NCOA7: variants seen among roughly 807,000 people sequenced by gnomAD.
The protein encoded by NCOA7 is nuclear receptor coactivator 7, also known as 140 kDa estrogen receptor-associated protein.
A neutral mutation model predicts 104.3 loss-of-function variants in NCOA7; 45 were observed. That is an observed-to-expected ratio of 0.43 (90% CI 0.34 to 0.55). The LOEUF (loss-of-function observed/expected upper bound fraction) is 0.55, where lower values mean the gene tolerates loss of function less well. Among genes scored for constraint, NCOA7 ranks in the 20% least tolerant of loss-of-function variants. The pLI is 0.02. For synonymous variants in NCOA7, 398 were observed against 402.3 expected (o/e 0.99, Z 0.13); for missense variants, 1,041 against 1,119.7 (o/e 0.93, Z 1.00).
At chr6:125,907,581 T>C (rs1786137253) in intron 10 of NCOA7, among the ~76,000 whole-genome samples, 1 of 152,126 alleles carries the variant, frequency 6.6e-6, no homozygotes, top group Non-Finnish European at 1.5e-5. Flanking sequence ...GCCAAGGAAG[T>C]AGTTGGCCCA....
intron 2 of NCOA7, among the ~76,000 whole-genome samples, chr6:125,833,799 G>A (rs1043513426): frequency 1.6e-4 from 25 of 152,168 alleles, no homozygotes; most frequent in African/African-American, 6.0e-4. Context: ...GCAGCTTTAA[G>A]ACATATCCCT....
intron 10 of NCOA7, among the ~76,000 whole-genome samples, chr6:125,910,905 T>A (rs964901589): frequency 6.6e-6 from 1 of 152,220 alleles, no homozygotes; most frequent in African/African-American, 2.4e-5. Flanking sequence ...TTTGGAAAGC[T>A]ATCTAGGATA....
chr6:125,782,415 C>T (rs1335829888), intron 1 of NCOA7, among the ~76,000 whole-genome samples: 1 of 152,176 alleles, frequency 6.6e-6, no homozygotes, highest in Non-Finnish European at 1.5e-5. Flanking sequence ...ATTATCAACT[C>T]AAGAAATTTA....
intron 1 of NCOA7, among the ~76,000 whole-genome samples, chr6:125,814,855 TA>T (rs1254185783): frequency 2.6e-5 from 4 of 152,128 alleles, no homozygotes; most frequent in African/African-American, 9.7e-5. Context: ...TTTATTTTTT[TA>T]AAAAAACATT....
At chr6:125,900,363 A>G (rs368401013) in intron 10 of NCOA7, among the ~76,000 whole-genome samples, 7 of 152,364 alleles carry the variant, frequency 4.6e-5, no homozygotes, top group Middle Eastern at 3.4e-3. Context: ...GGCCTCTGGC[A>G]TTGATATTAA....
intron 10 of NCOA7, among the ~76,000 whole-genome samples, chr6:125,897,999 G>A (rs1301071715): frequency 4.6e-5 from 7 of 152,176 alleles, no homozygotes; most frequent in African/African-American, 1.7e-4. Flanking sequence ...ATGTTGAGTA[G>A]TAGCATCCAT....
In NCOA7 at chr6:125,908,267, ATCT is replaced by A. The variant is rs545267542; in HGVS notation, c.2097-7061_2097-7059del. Among the ~76,000 whole-genome samples, 507 of 152,356 alleles carry A rather than the reference ATCT, an allele frequency of 3.3e-3. 4 individuals are homozygous for A. The highest frequency in any genetic ancestry group is 0.01 in the Middle Eastern group (3 of 294). Reference sequence around the variant, plus strand: ...GACACCCCAGTACACTCCATCTCACATCTTCTTGTTAAACCTAAGAAACACACA... The same window carrying A: ...GACACCCCAGTACACTCCATCTCACATCTTGTTAAACCTAAGAAACACACA... On this transcript the variant is annotated intron_variant, in intron 10 of 15. Coordinates refer to ENST00000392477, the MANE Select transcript of NCOA7 (RefSeq NM_181782.5).
chr6:125,851,478 T>C (rs575122739), intron 2 of NCOA7, among the ~76,000 whole-genome samples: 2 of 152,336 alleles, frequency 1.3e-5, no homozygotes, highest in South Asian at 4.1e-4. Context: ...ATAGACCACA[T>C]TTTCTTTATC....
chr6:125,861,081 T>A (rs556870536), intron 3 of NCOA7, among the ~76,000 whole-genome samples: 145 of 152,344 alleles, frequency 9.5e-4, no homozygotes, highest in Admixed American at 2.4e-3. Flanking sequence ...TAGCTTCCAA[T>A]ATAAAATGTG....
chr6:125,896,609 T>C (rs1420596795), intron 10 of NCOA7, among the ~76,000 whole-genome samples: 1 of 152,056 alleles, frequency 6.6e-6, no homozygotes, highest in African/African-American at 2.4e-5. Context: ...CTGGGCAACA[T>C]GGTGAAATCA....
rs375262879 is a variant in NCOA7 at position 125,879,200 on chromosome 6, CATTGACCCAT to C, written c.459+836_459+845del. Among the ~76,000 whole-genome samples, 317 of 152,252 alleles carry C rather than the reference CATTGACCCAT, an allele frequency of 2.1e-3. 1 individual carries two copies. The highest frequency in any genetic ancestry group is 7.1e-3 in the African/African-American group (296 of 41,550). On this transcript the variant is annotated intron_variant, in intron 5 of 15. Coordinates refer to ENST00000392477, the MANE Select transcript of NCOA7 (RefSeq NM_181782.5). ...ACAGAACTCTAAACTTTGGCATTTC[CATTGACCCAT>C]ATTGAAGATGCTATAAAAGGCAATA...
rs1316804232 is a variant in NCOA7 at position 125,889,374 on chromosome 6, T to G, written c.1320T>G (p.Leu440=). Residue 440 remains leucine, a synonymous_variant, in exon 9 of 16, where the codon CTT becomes CTG. Transcript: ENST00000392477. ...MHKKDTLKEC[L]SLDPEERKKA... ...AAAAAGACACCTTGAAGGAGTGCCT[T>G]TCTCTTGACCCAGAGGAACGAAAGA... 6.2e-7 allele frequency: 1 copy of G among 1,613,896 alleles called. No individual in the cohort carries two copies. Among genetic ancestry groups the G allele is most frequent in the African/African-American group, 1.3e-5 (1 of 74,922 alleles).
intron 2 of NCOA7, among the ~76,000 whole-genome samples, chr6:125,828,142 A>G (rs1778823612): frequency 6.6e-6 from 1 of 152,230 alleles, no homozygotes; most frequent in Non-Finnish European, 1.5e-5. Flanking sequence ...TAAAGTGAAA[A>G]AAGAACAGAA....
intron 9 of NCOA7, among the ~76,000 whole-genome samples, chr6:125,890,262 A>T (rs1272302238): frequency 6.6e-6 from 1 of 152,216 alleles, no homozygotes; most frequent in African/African-American, 2.4e-5. Flanking sequence ...TTCTAAATCT[A>T]GAGGAGTTTA....
intron 10 of NCOA7, among the ~76,000 whole-genome samples, chr6:125,905,121 CAGAG>C (rs1785857315): frequency 6.6e-6 from 1 of 152,130 alleles, no homozygotes; most frequent in East Asian, 1.9e-4. Flanking sequence ...GCGTGAGTCA[CAGAG>C]AGTTTCCAAA....
At chr6:125,867,368 T>C (rs982977376) in intron 3 of NCOA7, among the ~76,000 whole-genome samples, 5 of 152,252 alleles carry the variant, frequency 3.3e-5, no homozygotes, top group Admixed American at 1.3e-4. Flanking sequence ...AAACCATAAA[T>C]TGATATTGGT....
At chr6:125,877,845 G>A (rs1440392128) in intron 4 of NCOA7, among the ~76,000 whole-genome samples, 1 of 152,178 alleles carries the variant, frequency 6.6e-6, no homozygotes, top group East Asian at 1.9e-4. Context: ...ATACAAGCCA[G>A]CAGTTTATAG....
At chr6:125,823,963 T>G (rs988928722) in intron 2 of NCOA7, among the ~76,000 whole-genome samples, 6 of 152,182 alleles carry the variant, frequency 3.9e-5, no homozygotes, top group South Asian at 2.1e-4. Context: ...TATGTACATA[T>G]TGAATCACAG....
Position 125,889,353 on chromosome 6 carries a change from A to G in NCOA7, c.1299A>G (p.Lys433=), listed in dbSNP as rs1186682684. ...SSQTGGGMHK[K]DTLKECLSLD... is the part of the protein sequence containing the mutation. ...AAACTGGTGGTGGAATGCACAAAAAAGACACCTTGAAGGAGTGCCTTTCTC... is the reference window on the plus strand; with the variant it reads ...AAACTGGTGGTGGAATGCACAAAAAGGACACCTTGAAGGAGTGCCTTTCTC... Residue 433 remains lysine (K), a synonymous_variant, in exon 9 of 16, where the codon AAA becomes AAG. Coordinates refer to ENST00000392477, the MANE Select transcript of NCOA7 (RefSeq NM_181782.5). 6.2e-7 allele frequency: 1 copy of G among 1,614,032 alleles called. No individual in the cohort carries two copies. The highest frequency in any genetic ancestry group is 8.5e-7 in the Non-Finnish European group (1 of 1,180,010).
Sources: gnomAD v4.1 joint callset for allele counts (sites outside exome capture counted in the v4.1 genomes callset) on GRCh38, gnomAD v4.1.1 for gene constraint, MANE v1.5 for transcripts, NCBI Gene and HGNC (gene_info 2026-07-23, HGNC 2026-07-21) for gene names.